RFTN1: variants seen among roughly 807,000 people sequenced by gnomAD.
The protein encoded by RFTN1 is raftlin, lipid raft linker 1.
In RFTN1, 26 loss-of-function variants were observed where a neutral mutation model predicts 46.5. The ratio of observed to expected loss-of-function variants is 0.56; its 90% CI spans 0.41 to 0.78. The LOEUF (loss-of-function observed/expected upper bound fraction) is 0.78. RFTN1 is among the 30% of genes least tolerant of loss of function. The probability of loss-of-function intolerance (pLI) is 0.00; values close to 1 mark genes in which losing one functional copy is unlikely to be tolerated. For missense variants in RFTN1, 693 were observed against 718.7 expected, an observed-to-expected ratio of 0.96 and a Z score of 0.41; for synonymous variants, 261 against 284.2, an observed-to-expected ratio of 0.92 and a Z score of 0.82.
Position 16,425,559 on chromosome 3 carries a change from A to G in RFTN1, c.332+8292T>C, listed in dbSNP as rs952692875. 6.6e-6 allele frequency among the ~76,000 whole-genome samples: 1 copy of G among 152,198 alleles called. No homozygotes were observed. Among genetic ancestry groups the G allele is most frequent in the African/African-American group, 2.4e-5 (1 of 41,446 alleles). ...ACAGGAGTGGGGAAAATGAGCTCTC[A>G]CACCAACCATGCACGTCTCCTTCTT... On this transcript the variant is annotated intron_variant, in intron 3 of 9. Transcript: ENST00000334133. The surrounding 1 kb of genome is among the most constrained non-coding windows in gnomAD (Gnocchi z 4.3).
At position 16,449,381 on chromosome 3, in the gene RFTN1, T is replaced by C; in HGVS notation, c.146-15344A>G. Among the ~76,000 whole-genome samples the C allele has an allele frequency of 6.6e-6, 1 of 152,218 alleles. No homozygotes were observed. Among genetic ancestry groups the C allele is most frequent in the Non-Finnish European group, 1.5e-5 (1 of 68,030 alleles). On this transcript the variant is annotated intron_variant, in intron 2 of 9. Transcript: ENST00000334133. The surrounding 1 kb of genome is among the most constrained non-coding windows in gnomAD (Gnocchi z 5.1). ...TCAGTGCCATCCCTTACTAGCCATA[T>C]GACTTTGGGTGAATTACGAATGCTT...
At chr3:16,357,125 A>ACAAAC (rs1458410557) in intron 7 of RFTN1, among the ~76,000 whole-genome samples, 1 of 83,438 alleles carries the variant, frequency 1.2e-5, no homozygotes, top group African/African-American at 5.7e-5. Flanking sequence ...AAAAAAAAAA[A>ACAAAC]AAACAAAAAA....
intron 2 of RFTN1, among the ~76,000 whole-genome samples, chr3:16,435,917 A>AAAATATATATATAT (rs1553596228): frequency 7.0e-6 from 1 of 142,360 alleles, no homozygotes; most frequent in African/African-American, 2.7e-5. Flanking sequence ...CAGAGATGTA[A>AAAATATATATATAT]ATATATATAT....
At position 16,425,752 on chromosome 3, in the gene RFTN1, T is replaced by C. The variant is rs955508663; in HGVS notation, c.332+8099A>G. On this transcript the variant is annotated intron_variant, in intron 3 of 9. Transcript: ENST00000334133. The surrounding 1 kb of genome is among the most constrained non-coding windows in gnomAD (Gnocchi z 4.3). ...CAAACAAATAATTAACGGTGAATCC[T>C]GAAACTTCAACACACCAGAAAAGGG... Among the ~76,000 whole-genome samples the C allele has an allele frequency of 2.0e-5, 3 of 152,034 alleles. No homozygotes were observed. The highest frequency in any genetic ancestry group is 4.4e-5 in the Non-Finnish European group (3 of 68,010).
chr3:16,318,163 G>T (rs932445511), intron 9 of RFTN1, among the ~76,000 whole-genome samples: 1 of 151,962 alleles, frequency 6.6e-6, no homozygotes, highest in African/African-American at 2.4e-5. Flanking sequence ...AAGACCACCC[G>T]AGAGCGAGCC....
At position 16,353,965 on chromosome 3, in the gene RFTN1, A is replaced by G. The variant is rs888982308; in HGVS notation, c.1146+3967T>C. 2.0e-5 allele frequency among the ~76,000 whole-genome samples: 3 copies of G among 152,204 alleles called. No individual in the cohort carries two copies. Among genetic ancestry groups the G allele is most frequent in the African/African-American group, 7.2e-5 (3 of 41,450 alleles). On this transcript the variant is annotated intron_variant, in intron 7 of 9. Transcript: ENST00000334133. This position sits in a 1 kb window ranked among gnomAD's most constrained non-coding sequence, Gnocchi z 5.4. ...GCAGCCCAAGCAGACTAAGACATCC[A>G]TTGAATAGGAAATAGGGGTAGAGCC... is the stretch of plus-strand genomic sequence containing the variant.
chr3:16,367,747 G>T (rs1349735541), intron 6 of RFTN1, among the ~76,000 whole-genome samples: 1 of 152,204 alleles, frequency 6.6e-6, no homozygotes, highest in Admixed American at 6.5e-5. Flanking sequence ...GTTGAAGAGT[G>T]GGGTGACGGG....
At position 16,345,104 on chromosome 3, in the gene RFTN1, G is replaced by A. The variant is rs899549555; in HGVS notation, c.1146+12828C>T. 1 of 152,400 alleles carries A rather than the reference G, an allele frequency of 6.6e-6. No individual in the cohort carries two copies. The highest frequency in any genetic ancestry group is 2.1e-4 in the South Asian group (1 of 4,832). 9.4% of individuals were successfully genotyped at this position (152,400 alleles called of 1,614,324 possible). On this transcript the variant is annotated intron_variant, in intron 7 of 9. Transcript: ENST00000334133. The surrounding 1 kb of genome is among the most constrained non-coding windows in gnomAD (Gnocchi z 5.2). ...TGCAACCACAAGGCCAACAACCTAA[G>A]TGAGCTTGGAAGTGGATTCTTCCCC...
intron 7 of RFTN1, among the ~76,000 whole-genome samples, chr3:16,333,496 A>T (rs2070528733): frequency 6.6e-6 from 1 of 152,184 alleles, no homozygotes; most frequent in Non-Finnish European, 1.5e-5. Context: ...TCATTCCTTT[A>T]GTTTCATTTC....
rs1022215215 is a variant in RFTN1 at position 16,424,691 on chromosome 3, A to T, written c.332+9160T>A. Among the ~76,000 whole-genome samples the T allele has an allele frequency of 1.3e-5, 2 of 152,182 alleles. No homozygotes were observed. Among genetic ancestry groups the T allele is most frequent in the African/African-American group, 4.8e-5 (2 of 41,456 alleles). ...CATATACTTATAGCATCTTTATAGC[A>T]TTTACCTCTTTGTAAATGGTTCCAT... On this transcript the variant is annotated intron_variant, in intron 3 of 9. Coordinates refer to ENST00000334133, the MANE Select transcript of RFTN1 (RefSeq NM_015150.2). This position sits in a 1 kb window ranked among gnomAD's most constrained non-coding sequence, Gnocchi z 4.7.
chr3:16,476,011 G>A (rs2076275955), intron 2 of RFTN1, among the ~76,000 whole-genome samples: 2 of 152,238 alleles, frequency 1.3e-5, no homozygotes, highest in South Asian at 4.1e-4. Flanking sequence ...CTGCTGTTGT[G>A]CCAAGTTGAA....
At position 16,346,977 on chromosome 3, in the gene RFTN1, C is replaced by T. The variant is rs555880713; in HGVS notation, c.1146+10955G>A. Among the ~76,000 whole-genome samples, 7 of 152,352 alleles carry T rather than the reference C, an allele frequency of 4.6e-5. No homozygotes were observed. The highest frequency in any genetic ancestry group is 1.9e-4 in the East Asian group (1 of 5,182). On this transcript the variant is annotated intron_variant, in intron 7 of 9. Coordinates refer to ENST00000334133, the MANE Select transcript of RFTN1 (RefSeq NM_015150.2). The surrounding 1 kb of genome is among the most constrained non-coding windows in gnomAD (Gnocchi z 4.4). ...CAATGAGATGAGATGAACACCCCTA[C>T]GGCTTAAGCCACTTTTAGTTGGATT... is the stretch of plus-strand genomic sequence containing the variant.
chr3:16,333,934 C>T (rs940688149), intron 7 of RFTN1, among the ~76,000 whole-genome samples: 2 of 151,802 alleles, frequency 1.3e-5, no homozygotes, highest in Admixed American at 1.3e-4. Flanking sequence ...GGGAGGCCGA[C>T]GCGGGTAGAG....
At position 16,425,512 on chromosome 3, in the gene RFTN1, G is replaced by A. The variant is rs12638865; in HGVS notation, c.332+8339C>T. ...AAATAAAATGTGAGGAAAGACACAG[G>A]CCAATCAAGGGCAGCTATAGAACAG... On this transcript the variant is annotated intron_variant, in intron 3 of 9. Transcript: ENST00000334133. This position sits in a 1 kb window ranked among gnomAD's most constrained non-coding sequence, Gnocchi z 4.3. 0.17 allele frequency among the ~76,000 whole-genome samples: 25,938 copies of A among 152,050 alleles called. 2,334 individuals carry two copies. The highest frequency in any genetic ancestry group is 0.22 in the Admixed American group (3,414 of 15,278).
chr3:16,478,631 T>A (rs543584855), intron 2 of RFTN1, among the ~76,000 whole-genome samples: 1 of 152,236 alleles, frequency 6.6e-6, no homozygotes, highest in Non-Finnish European at 1.5e-5. Context: ...TGGCTCAAAA[T>A]CTTTCATGAG....
At chr3:16,328,163 C>G (rs1310330683) in intron 7 of RFTN1, among the ~76,000 whole-genome samples, 1 of 152,252 alleles carries the variant, frequency 6.6e-6, no homozygotes, top group Non-Finnish European at 1.5e-5. Context: ...TAAGGGCTCT[C>G]TGGCAGGGCC....
At chr3:16,332,874 T>A (rs2070466753) in intron 7 of RFTN1, among the ~76,000 whole-genome samples, 1 of 152,190 alleles carries the variant, frequency 6.6e-6, no homozygotes, top group Admixed American at 6.5e-5. Context: ...AACCTCATTA[T>A]TCTTGGTAGC....
At chr3:16,454,116 G>T (rs1180302114) in intron 2 of RFTN1, among the ~76,000 whole-genome samples, 1 of 152,122 alleles carries the variant, frequency 6.6e-6, no homozygotes, top group Admixed American at 6.5e-5. Flanking sequence ...ACTGTAACCA[G>T]GTCTCCTTAG....
chr3:16,333,235 A>G (rs1165378592), intron 7 of RFTN1, among the ~76,000 whole-genome samples: 2 of 152,254 alleles, frequency 1.3e-5, no homozygotes, highest in East Asian at 1.9e-4. Context: ...ATGTGGCACT[A>G]TGTGTACCAC....
Sources: gnomAD v4.1 joint callset for allele counts (sites outside exome capture counted in the v4.1 genomes callset) on GRCh38, gnomAD v4.1.1 for gene constraint, Gnocchi (gnomAD v3.1) non-coding constraint, MANE v1.5 for transcripts, NCBI Gene and HGNC (gene_info 2026-07-23, HGNC 2026-07-21) for gene names.